BCL9: variants seen among roughly 807,000 people sequenced by gnomAD.
BCL9 encodes the protein B-cell CLL/lymphoma 9 protein.
A neutral mutation model predicts 88.5 loss-of-function variants in BCL9; 25 were observed. That is an observed-to-expected ratio of 0.28 (90% confidence interval 0.21 to 0.39). The LOEUF is 0.39. Ranked by LOEUF, BCL9 falls within the 10% of genes least tolerant of loss-of-function variation. BCL9 has a pLI of 1.00. For missense variants in BCL9, 1,817 were observed against 1,877.8 expected, an observed-to-expected ratio of 0.97 and a Z score of 0.60; for synonymous variants, 711 against 673.3, an observed-to-expected ratio of 1.06 and a Z score of -0.87.
chr1:147,561,516 T>A (rs1655373696), intron 1 of BCL9, among the ~76,000 whole-genome samples: 1 of 152,238 alleles, frequency 6.6e-6, no homozygotes, highest in African/African-American at 2.4e-5. Flanking sequence ...TATTCATAAT[T>A]TTCTAAAATC....
intron 1 of BCL9, among the ~76,000 whole-genome samples, chr1:147,597,185 C>G (rs1657093268): frequency 6.6e-6 from 1 of 152,128 alleles, no homozygotes; most frequent in South Asian, 2.1e-4. Flanking sequence ...TCCTTCCAAT[C>G]CTAAAATTTA....
At chr1:147,579,058 G>C (rs587729821) in intron 1 of BCL9, among the ~76,000 whole-genome samples, 4 of 152,196 alleles carry the variant, frequency 2.6e-5, no homozygotes, top group Non-Finnish European at 5.9e-5. Flanking sequence ...TAGAGACGGG[G>C]TTTTGCCATG....
Position 147,624,614 on chromosome 1 carries a change from C to A in BCL9, c.3936C>A (p.Gly1312=). 1 of 1,614,204 alleles carries A rather than the reference C, an allele frequency of 6.2e-7. No homozygotes were observed. The highest frequency in any genetic ancestry group is 1.3e-5 in the African/African-American group (1 of 75,038). Residue 1312 remains glycine, a synonymous_variant, in exon 10 of 10, where the codon GGC becomes GGA. Transcript: ENST00000234739. The surrounding 1 kb of genome is among the most constrained non-coding windows in gnomAD (Gnocchi z 4.4). ...IPLGTAPSMP[G]HNPMRPPAFL... ...TTGGTACAGCTCCATCCATGCCAGG[C>A]CACAACCCCATGAGACCACCAGCCT...
Position 147,620,789 on chromosome 1 carries a change from G to A in BCL9, c.2634G>A (p.Ser878=), listed in dbSNP as rs782761757. 4.6e-5 allele frequency: 74 copies of A among 1,613,940 alleles called. No homozygotes were observed. Among genetic ancestry groups the A allele is most frequent in the Non-Finnish European group, 5.9e-5 (70 of 1,180,022 alleles). The change falls in exon 8 of 10, where the codon TCG becomes TCA. Residue 878 remains serine, a synonymous_variant. Coordinates refer to ENST00000234739, the MANE Select transcript of BCL9 (RefSeq NM_004326.4). ...AAGTCCAGTCACCAATGCTGGGCTC[G>A]CCCTCGGGGAACCTCAAGTCCCCCC... ...MHQVQSPMLG[S]PSGNLKSPQT... is the part of the protein sequence containing the mutation.
At chr1:147,612,724 C>T (rs587701924) in intron 4 of BCL9, among the ~76,000 whole-genome samples, 159 bp from the exon 5 acceptor site, 1 of 152,206 alleles carries the variant, frequency 6.6e-6, no homozygotes, top group South Asian at 2.1e-4. Flanking sequence ...GAGATGGGAT[C>T]AGGGGTGGCG....
At chr1:147,550,287 G>T (rs1287819352) in intron 1 of BCL9, among the ~76,000 whole-genome samples, 1 of 152,082 alleles carries the variant, frequency 6.6e-6, no homozygotes, top group African/African-American at 2.4e-5. Flanking sequence ...CCATGGAAGG[G>T]CCATCTTCCC....
At chr1:147,601,085 G>A (rs587647120) in intron 1 of BCL9, among the ~76,000 whole-genome samples, 1 of 152,248 alleles carries the variant, frequency 6.6e-6, no homozygotes, top group East Asian at 1.9e-4. Context: ...TATTGCTGGG[G>A]GCCTTATGGG....
At chr1:147,556,345 C>T (rs995430580) in intron 1 of BCL9, among the ~76,000 whole-genome samples, 16 of 151,200 alleles carry the variant, frequency 1.1e-4, no homozygotes, top group African/African-American at 1.9e-4. Context: ...AGGCTGGTCT[C>T]GAGCTCCTGA....
At chr1:147,600,202 C>T (rs1279971870) in intron 1 of BCL9, 4 of 161,470 alleles carry the variant, frequency 2.5e-5, no homozygotes, top group South Asian at 1.7e-4. Context: ...CCGCCGCCGC[C>T]GCTGCCGCCG....
intron 1 of BCL9, among the ~76,000 whole-genome samples, chr1:147,580,192 A>G (rs1249727571): frequency 6.6e-6 from 1 of 152,192 alleles, no homozygotes; most frequent in Non-Finnish European, 1.5e-5. Flanking sequence ...GAATAGATGG[A>G]TTGTGAAAGC....
rs587761900 is a variant in BCL9, at chr1:147,615,788, C to G, written c.561-15C>G. 1.2e-6 allele frequency: 2 copies of G among 1,608,258 alleles called. No individual in the cohort carries two copies. Among genetic ancestry groups the G allele is most frequent in the Non-Finnish European group, 8.5e-7 (1 of 1,174,628 alleles). On this transcript the variant is annotated splice_polypyrimidine_tract_variant and intron_variant, in intron 6 of 9. Transcript: ENST00000234739. ...AAACAAGTTCTAGTGTGTGCTGTCT[C>G]TTCCATCTTTGCAGAGCTGCAGAAG...
chr1:147,569,642 T>G (rs1242975421), intron 1 of BCL9, among the ~76,000 whole-genome samples: 1 of 145,478 alleles, frequency 6.9e-6, no homozygotes, highest in Non-Finnish European at 1.5e-5. Flanking sequence ...AGAGTGAGAC[T>G]CCGTCTCACA....
At position 147,613,146 on chromosome 1, in the gene BCL9, A is replaced by T; in HGVS notation, c.317A>T (p.Asp106Val). 6.2e-7 allele frequency: 1 copy of T among 1,613,892 alleles called. No individual in the cohort carries two copies. Among genetic ancestry groups the T allele is most frequent in the Non-Finnish European group, 8.5e-7 (1 of 1,179,966 alleles). ...AAAAGGGAGCGAAGTATTTCCGCCG[A>T]CTCCTTTGATCAGAGAGATCCTGGG... ...KGKRERSISA[D>V]SFDQRDPGTP... The change falls in exon 5 of 10, where the codon GAC becomes GTC. Residue 106 changes from aspartate to valine, a missense_variant. Physicochemically the swap from Asp to Val is radical, Grantham distance 152. Transcript: ENST00000234739.
At chr1:147,599,547 G>A (rs1657237878) in intron 1 of BCL9, among the ~76,000 whole-genome samples, 1 of 152,060 alleles carries the variant, frequency 6.6e-6, no homozygotes, top group Admixed American at 6.5e-5. Context: ...GTCCGGGAGA[G>A]TGAGCGCGTG....
chr1:147,593,060 A>C (rs1212958325), intron 1 of BCL9, among the ~76,000 whole-genome samples: 5 of 152,192 alleles, frequency 3.3e-5, no homozygotes, highest in Non-Finnish European at 2.9e-5. Flanking sequence ...ACAAACCTAG[A>C]TATTATCATT....
intron 1 of BCL9, among the ~76,000 whole-genome samples, chr1:147,582,388 G>A (rs1656405614): frequency 1.3e-5 from 2 of 152,104 alleles, no homozygotes; most frequent in African/African-American, 4.8e-5. Context: ...GGCAATTAGG[G>A]CAAAGAGTAT....
chr1:147,586,564 G>T (rs1388636463), intron 1 of BCL9, among the ~76,000 whole-genome samples: 2 of 152,152 alleles, frequency 1.3e-5, no homozygotes, highest in African/African-American at 2.4e-5. Context: ...TGGCTAGCAG[G>T]CGCCTGCCGT....
In BCL9 at chr1:147,624,999, A is replaced by G. The variant is rs2101628639; in HGVS notation, c.*40A>G. 2 of 1,575,598 alleles carry G rather than the reference A, an allele frequency of 1.3e-6. No homozygotes were observed. Among genetic ancestry groups the G allele is most frequent in the Non-Finnish European group, 1.7e-6 (2 of 1,154,778 alleles). ...ATGTGCCGATCCTTGTCAAGATGAG[A>G]TTCCAGGTCCTGAGAGCTGCTTTGA... On this transcript the variant is annotated 3_prime_UTR_variant, in exon 10 of 10. Transcript: ENST00000234739. This position sits in a 1 kb window ranked among gnomAD's most constrained non-coding sequence, Gnocchi z 4.4.
In BCL9 at chr1:147,620,428, T is replaced by C. The variant is rs1658559309; in HGVS notation, c.2273T>C (p.Leu758Pro). 1.1e-5 allele frequency: 17 copies of C among 1,613,956 alleles called. No individual in the cohort carries two copies. In the East Asian group the frequency reaches 3.6e-4, roughly 34 times the overall value. Residue 758 changes from leucine to proline, a missense_variant, in exon 8 of 10, where the codon CTG (leucine) becomes CCG (proline). Leu to Pro is a moderately conservative substitution (Grantham distance 98). Coordinates refer to ENST00000234739, the MANE Select transcript of BCL9 (RefSeq NM_004326.4). ...LKLRPGGSDM[L>P]PAQQKMVPLP... ...TTACGCCCAGGTGGCTCAGACATGCTGCCTGCTCAGCAGAAGATGGTGCCA... is the reference window on the plus strand; with the variant it reads ...TTACGCCCAGGTGGCTCAGACATGCCGCCTGCTCAGCAGAAGATGGTGCCA...
Sources: allele counts gnomAD v4.1 joint callset (sites outside exome capture counted in the v4.1 genomes callset), GRCh38; gene constraint gnomAD v4.1.1; non-coding constraint Gnocchi (gnomAD v3.1); transcripts MANE v1.5; gene names NCBI Gene and HGNC (gene_info 2026-07-23, HGNC 2026-07-21).